Variants in RGS7 observed in about 807,000 individuals in gnomAD.
RGS7 encodes the protein regulator of G-protein signaling 7.
Under a neutral mutation model 81.1 loss-of-function variants are expected in RGS7, and 27 were observed. The ratio of observed to expected loss-of-function variants is 0.33; its 90% CI spans 0.25 to 0.46. The LOEUF is 0.46. Ranked by LOEUF, RGS7 falls within the 20% of genes least tolerant of loss-of-function variation. RGS7 has a pLI of 1.00. For synonymous variants in RGS7, 208 were observed against 207.7 expected (o/e 1.00, Z -0.01); for missense variants, 396 against 607.4 (o/e 0.65, Z 3.66).
chr1:241,312,703 A>G (rs2080618779), intron 2 of RGS7, among the ~76,000 whole-genome samples: 1 of 152,136 alleles, frequency 6.6e-6, no homozygotes, highest in South Asian at 2.1e-4. Flanking sequence ...AGACACAACA[A>G]CATTAAATTT....
At chr1:241,333,466 G>C (rs2082080198) in intron 2 of RGS7, among the ~76,000 whole-genome samples, 1 of 152,184 alleles carries the variant, frequency 6.6e-6, no homozygotes, top group African/African-American at 2.4e-5. Context: ...GAACTACTTT[G>C]TGAGTTAGAA....
chr1:241,331,351 AT>A (rs1414510888), intron 2 of RGS7, among the ~76,000 whole-genome samples: 3 of 152,170 alleles, frequency 2.0e-5, no homozygotes, highest in Non-Finnish European at 4.4e-5. Context: ...CTTAAAAAAA[AT>A]CTAGGTTTGA....
chr1:241,145,317 T>C (rs1167024000), intron 2 of RGS7, among the ~76,000 whole-genome samples: 4 of 152,078 alleles, frequency 2.6e-5, no homozygotes, highest in African/African-American at 9.7e-5. Flanking sequence ...ACCTATTTGC[T>C]CCAGGCAGAG....
At chr1:240,983,546 A>G (rs1685234834) in intron 3 of RGS7, among the ~76,000 whole-genome samples, 1 of 152,044 alleles carries the variant, frequency 6.6e-6, no homozygotes, top group Non-Finnish European at 1.5e-5. Flanking sequence ...AGTCAAACCA[A>G]ATTTGTTTTT....
intron 2 of RGS7, among the ~76,000 whole-genome samples, chr1:241,199,227 C>A (rs565169592): frequency 6.6e-6 from 1 of 151,990 alleles, no homozygotes; most frequent in Non-Finnish European, 1.5e-5. Context: ...GAGGCCGAGG[C>A]GGGCGGATCA....
intron 3 of RGS7, among the ~76,000 whole-genome samples, chr1:241,047,293 C>T (rs746741574): frequency 6.6e-5 from 10 of 152,282 alleles, no homozygotes; most frequent in Admixed American, 6.5e-4. Flanking sequence ...AGTTTCCCCA[C>T]AGCCTTGCTG....
chr1:241,240,626 C>T (rs2076217100), intron 2 of RGS7, among the ~76,000 whole-genome samples: 1 of 152,072 alleles, frequency 6.6e-6, no homozygotes, highest in African/African-American at 2.4e-5. Context: ...TGTGCATATA[C>T]TTCATCATAT....
At chr1:241,160,782 G>T (rs567092330) in intron 2 of RGS7, among the ~76,000 whole-genome samples, 1 of 152,274 alleles carries the variant, frequency 6.6e-6, no homozygotes, top group South Asian at 2.1e-4. Context: ...AAATTTTGGG[G>T]TACTGTTCCA....
chr1:241,041,320 C>G (rs1318882161), intron 3 of RGS7, among the ~76,000 whole-genome samples: 2 of 151,902 alleles, frequency 1.3e-5, no homozygotes, highest in Non-Finnish European at 2.9e-5. Context: ...TTTCAAAATT[C>G]AGAGTTTGGT....
intron 2 of RGS7, among the ~76,000 whole-genome samples, chr1:241,288,000 C>T (rs1282325742): frequency 6.6e-6 from 1 of 152,228 alleles, no homozygotes; most frequent in African/African-American, 2.4e-5. Flanking sequence ...ATTTTCCCAT[C>T]TGGACTAACT....
chr1:240,833,768 T>C (rs1159126635), intron 9 of RGS7, among the ~76,000 whole-genome samples: 1 of 152,060 alleles, frequency 6.6e-6, no homozygotes, highest in African/African-American at 2.4e-5. Flanking sequence ...TTCACTTACA[T>C]GAAGTAACTA....
chr1:241,098,188 T>C (rs996975265), intron 3 of RGS7, among the ~76,000 whole-genome samples: 6 of 152,208 alleles, frequency 3.9e-5, no homozygotes, highest in African/African-American at 1.4e-4. Context: ...CTGACCCAAG[T>C]TCTCTACAGT....
rs1298264907 is a variant in RGS7 at position 241,163,074 on chromosome 1, T to C, written c.79-64312A>G. On this transcript the variant is annotated intron_variant, in intron 2 of 18. Coordinates refer to ENST00000440928, the MANE Select transcript of RGS7 (RefSeq NM_001364886.1). This position sits in a 1 kb window ranked among gnomAD's most constrained non-coding sequence, Gnocchi z 4.6. Reference sequence around the variant, plus strand: ...ATATAATAGGGGCAGATATGAGCAGTGTCAGATTAAGCAGAGACAGGCTCC... The same window carrying C: ...ATATAATAGGGGCAGATATGAGCAGCGTCAGATTAAGCAGAGACAGGCTCC... Among the ~76,000 whole-genome samples the C allele has an allele frequency of 6.6e-6, 1 of 152,118 alleles. No homozygotes were observed. The highest frequency in any genetic ancestry group is 1.5e-5 in the Non-Finnish European group (1 of 68,022).
At chr1:240,919,322 A>C (rs2148292116) in intron 6 of RGS7, among the ~76,000 whole-genome samples, 1 of 152,218 alleles carries the variant, frequency 6.6e-6, no homozygotes, top group Non-Finnish European at 1.5e-5. Context: ...AGATGCAAAA[A>C]CCACCAACAA....
At position 241,080,181 on chromosome 1, in the gene RGS7, T is replaced by A. The variant is rs576486464; in HGVS notation, c.175+18485A>T. Among the ~76,000 whole-genome samples, 93 of 151,968 alleles carry A rather than the reference T, an allele frequency of 6.1e-4. 1 individual carries two copies. Among genetic ancestry groups the A allele is most frequent in the African/African-American group, 2.2e-3 (90 of 41,424 alleles). ...GACAAAAATTAATATCAATAGATAATGATCTTAAATTTAAAGGATGAGGCA... is the reference window on the plus strand; with the variant it reads ...GACAAAAATTAATATCAATAGATAAAGATCTTAAATTTAAAGGATGAGGCA... On this transcript the variant is annotated intron_variant, in intron 3 of 18. Transcript: ENST00000440928.
At chr1:241,151,005 T>A (rs2068707780) in intron 2 of RGS7, among the ~76,000 whole-genome samples, 1 of 152,152 alleles carries the variant, frequency 6.6e-6, no homozygotes, top group Non-Finnish European at 1.5e-5. Context: ...AAAGAGAAGG[T>A]GAGCAAGAGT....
intron 2 of RGS7, among the ~76,000 whole-genome samples, chr1:241,283,436 C>T (rs1043884721): frequency 1.3e-5 from 2 of 152,110 alleles, no homozygotes; most frequent in African/African-American, 4.8e-5. Flanking sequence ...GTTGTCAATT[C>T]TTTTCTTTTA....
chr1:240,995,866 T>G (rs993938269), intron 3 of RGS7, among the ~76,000 whole-genome samples: 1 of 152,090 alleles, frequency 6.6e-6, no homozygotes, highest in Admixed American at 6.5e-5. Flanking sequence ...TGGGTTTATT[T>G]TGCTCTTCTT....
At chr1:241,018,653 A>C (rs1339825872) in intron 3 of RGS7, among the ~76,000 whole-genome samples, 1 of 151,906 alleles carries the variant, frequency 6.6e-6, no homozygotes, top group African/African-American at 2.4e-5. Flanking sequence ...GGTGGAGCGG[A>C]GGTGGGGGGC....
Sources: allele counts gnomAD v4.1 joint callset (sites outside exome capture counted in the v4.1 genomes callset), GRCh38; gene constraint gnomAD v4.1.1; non-coding constraint Gnocchi (gnomAD v3.1); transcripts MANE v1.5; gene names NCBI Gene and HGNC (gene_info 2026-07-23, HGNC 2026-07-21).